Variants in HK1 observed in about 807,000 individuals in gnomAD.
The protein encoded by HK1 is hexokinase 1.
HK1 carries 28 observed loss-of-function variants against 91.6 expected under a neutral mutation model. That is an observed-to-expected ratio of 0.31 (90% CI 0.23 to 0.42). The LOEUF (loss-of-function observed/expected upper bound fraction) is 0.42. Ranked by LOEUF, HK1 falls within the 10% of genes least tolerant of loss-of-function variation. The probability of loss-of-function intolerance (pLI) is 1.00; values close to 1 mark genes in which losing one functional copy is unlikely to be tolerated. For missense variants in HK1, 770 were observed against 1,219.8 expected, an observed-to-expected ratio of 0.63 and a Z score of 5.49; for synonymous variants, 430 against 468.1, an observed-to-expected ratio of 0.92 and a Z score of 1.05.
rs928894345 is a variant in HK1 at position 69,331,330 on chromosome 10, T to C, written c.63+12320T>C. Reference sequence around the variant, plus strand: ...ACCTAAGATGGGAAGGAAGGATATTTCTTTTCAGCTACTGCGTGTTCTACA... The same window carrying C: ...ACCTAAGATGGGAAGGAAGGATATTCCTTTTCAGCTACTGCGTGTTCTACA... On this transcript the variant is annotated intron_variant, in intron 1 of 17. Transcript: ENST00000359426. Among the ~76,000 whole-genome samples the C allele has an allele frequency of 2.0e-5, 3 of 152,246 alleles. 1 individual carries two copies. The highest frequency in any genetic ancestry group is 2.0e-4 in the Admixed American group (3 of 15,280).
At chr10:69,318,078 G>T, upstream of HK1, 1 of 985,426 alleles carries the variant, frequency 1.0e-6, no homozygotes, top group Non-Finnish European at 1.2e-6. Context: ...CCCAAGTCCC[G>T]CCCAGAGGGA....
At position 69,371,141 on chromosome 10, in the gene HK1, G is replaced by T. The variant is rs927178869; in HGVS notation, c.875+1517G>T. On this transcript the variant is annotated intron_variant, in intron 7 of 17. Transcript: ENST00000359426. ...GAATTAATGGATTTTCATCAATGGC[G>T]AGCTCCCCACCAGTGGAGGTGGCAG... Among the ~76,000 whole-genome samples, 5 of 152,220 alleles carry T rather than the reference G, an allele frequency of 3.3e-5. No individual in the cohort carries two copies. The South Asian group carries it at 6.2e-4, about 19-fold the overall frequency.
chr10:69,387,130 G>T (rs1307218576), intron 13 of HK1, among the ~76,000 whole-genome samples: 2 of 152,106 alleles, frequency 1.3e-5, no homozygotes, highest in Non-Finnish European at 2.9e-5. Flanking sequence ...GGACCATGAT[G>T]GATTTAGACA....
intron 7 of HK1, among the ~76,000 whole-genome samples, chr10:69,375,974 T>C (rs943352536): frequency 1.3e-5 from 2 of 152,316 alleles, no homozygotes; most frequent in African/African-American, 4.8e-5. Flanking sequence ...GCTGTCAGTA[T>C]GCAGAGCCCA....
chr10:69,294,025 C>A (rs1434561460), intron 3 of HK1, among the ~76,000 whole-genome samples: 1 of 151,782 alleles, frequency 6.6e-6, no homozygotes, highest in African/African-American at 2.4e-5. Context: ...CCACGCCCGG[C>A]TGATTTTTTG....
chr10:69,375,578 T>C (rs1839053239), intron 7 of HK1, among the ~76,000 whole-genome samples: 1 of 152,302 alleles, frequency 6.6e-6, no homozygotes, highest in South Asian at 2.1e-4. Context: ...GTGCTGATGG[T>C]TGAGGGCCGG....
intron 5 of HK1, among the ~76,000 whole-genome samples, chr10:69,306,359 A>AAAAAAT (rs1173407401): frequency 1.3e-5 from 2 of 151,890 alleles, no homozygotes; most frequent in Non-Finnish European, 2.9e-5. Flanking sequence ...CTCTGTCTCA[A>AAAAAAT]AAAAATAAAA....
In HK1 at chr10:69,387,798, A is replaced by T. The variant is rs949340377; in HGVS notation, c.1935+1380A>T. Among the ~76,000 whole-genome samples, 4 of 152,228 alleles carry T rather than the reference A, an allele frequency of 2.6e-5. No homozygotes were observed. The East Asian group carries it at 7.7e-4, about 29-fold the overall frequency. On this transcript the variant is annotated intron_variant, in intron 13 of 17. Transcript: ENST00000359426. ...GGTCTTTGGCTGGAGGACATTGAAA[A>T]AATATAAAATGAAAAATTCCCAAGA...
rs551640444 is a variant in HK1 at position 69,281,434 on chromosome 10, T to G, written c.-390-1095T>G. ...TGCTGTCCTCTTCCTCCTCTTTCTCTTCCTCATCCTCCTCCTTTATCGAGG... is the reference window on the plus strand; with the variant it reads ...TGCTGTCCTCTTCCTCCTCTTTCTCGTCCTCATCCTCCTCCTTTATCGAGG... On this transcript the variant is annotated intron_variant, in intron 1 of 21. Coordinates refer to the HK1 transcript ENST00000360289. Among the ~76,000 whole-genome samples the G allele has an allele frequency of 2.6e-5, 4 of 152,318 alleles. No homozygotes were observed. The East Asian group carries it at 5.8e-4, about 22-fold the overall frequency.
chr10:69,361,278 C>T (rs970683742), intron 3 of HK1, among the ~76,000 whole-genome samples: 10 of 152,238 alleles, frequency 6.6e-5, no homozygotes, highest in African/African-American at 2.4e-4. Context: ...TGGCCCTGCC[C>T]AAGGGCTCCC....
chr10:69,293,139 G>T, intron 3 of HK1, among the ~76,000 whole-genome samples: 1 of 152,266 alleles, frequency 6.6e-6, no homozygotes, highest in East Asian at 1.9e-4. Flanking sequence ...TCACCCCCCT[G>T]CTCCCTATCT....
At chr10:69,374,975 C>T (rs1324778806) in intron 7 of HK1, among the ~76,000 whole-genome samples, 1 of 152,182 alleles carries the variant, frequency 6.6e-6, no homozygotes, top group Non-Finnish European at 1.5e-5. Flanking sequence ...TTGAGTGACA[C>T]GGTCCATGAG....
upstream of HK1, among the ~76,000 whole-genome samples, chr10:69,314,449 A>G (rs112017634): frequency 0.013 from 2,028 of 152,260 alleles, 37 homozygotes; most frequent in African/African-American, 0.046. Context: ...CTTCCGAGGC[A>G]TCTCTTTAGG....
At chr10:69,353,237 G>T (rs775953117) in intron 2 of HK1, among the ~76,000 whole-genome samples, 1 of 152,116 alleles carries the variant, frequency 6.6e-6, no homozygotes, top group East Asian at 1.9e-4. Context: ...AAAATAGAGC[G>T]AATAAACCAA....
Position 69,343,907 on chromosome 10 carries a change from G to C in HK1, c.144G>C (p.Lys48Asn). The C allele has an allele frequency of 6.2e-7, 1 of 1,613,918 alleles. No individual in the cohort carries two copies. Among genetic ancestry groups the C allele is most frequent in the Non-Finnish European group, 8.5e-7 (1 of 1,179,804 alleles). ...TGACTCGCTTCAGGAAGGAGATGAA[G>C]AATGGCCTCTCCCGGGATTTTAATC... ...DIMTRFRKEM[K>N]NGLSRDFNPT... The change falls in exon 2 of 18, where the codon AAG (lysine) becomes AAC (asparagine). Residue 48 changes from lysine (K) to asparagine (N), a missense_variant. Physicochemically the swap from Lys to Asn is moderately conservative, Grantham distance 94 (BLOSUM62 0). Around this residue, in one of 7 missense-constraint regions of HK1, gnomAD observed 449 missense variants for 665.1 expected, o/e 0.68. Coordinates refer to ENST00000359426, the MANE Select transcript of HK1 (RefSeq NM_000188.3).
At chr10:69,303,500 C>T (rs543274776) in intron 5 of HK1, among the ~76,000 whole-genome samples, 1 of 152,178 alleles carries the variant, frequency 6.6e-6, no homozygotes, top group Admixed American at 6.5e-5. Context: ...GACTATTTCT[C>T]TATTGCAATT....
At chr10:69,367,822 GTTT>G (rs548385730) in intron 4 of HK1, among the ~76,000 whole-genome samples, 1 of 151,642 alleles carries the variant, frequency 6.6e-6, no homozygotes, top group South Asian at 2.1e-4. Context: ...TATCTTTTTA[GTTT>G]TTTTTTAAGA....
intron 15 of HK1, among the ~76,000 whole-genome samples, chr10:69,393,616 A>G (rs1349274686): frequency 6.6e-6 from 1 of 152,248 alleles, no homozygotes; most frequent in Non-Finnish European, 1.5e-5. Context: ...GTCTTTACTG[A>G]CATTTAATGA....
At chr10:69,349,276 C>T (rs1848722471) in intron 2 of HK1, among the ~76,000 whole-genome samples, 1 of 152,226 alleles carries the variant, frequency 6.6e-6, no homozygotes, top group Non-Finnish European at 1.5e-5. Flanking sequence ...ACTTCTGAGC[C>T]TCCATTTCCT....
Sources: gnomAD v4.1 joint callset for allele counts (sites outside exome capture counted in the v4.1 genomes callset) on GRCh38, gnomAD v4.1.1 for gene constraint, gnomAD v4.1.1 regional missense constraint, MANE v1.5 for transcripts, NCBI Gene and HGNC (gene_info 2026-07-23, HGNC 2026-07-21) for gene names.